Variants in ABCA13 observed in about 807,000 individuals in gnomAD.
ABCA13 encodes the protein ATP binding cassette subfamily A member 13.
ABCA13 carries 476 observed loss-of-function variants against 478.7 expected under a neutral mutation model. The observed-to-expected ratio is 0.99, with a 90% CI of 0.92 to 1.07. The LOEUF (loss-of-function observed/expected upper bound fraction) is 1.07. Ranked by LOEUF, ABCA13 falls within the 50% of genes least tolerant of loss-of-function variation. The pLI is 0.00. For synonymous variants in ABCA13, 2,252 were observed against 2,158.9 expected (o/e 1.04, Z -1.20); for missense variants, 6,060 against 5,910.6 (o/e 1.03, Z -0.83).
chr7:48,346,256 A>C (rs1808085179), intron 29 of ABCA13, among the ~76,000 whole-genome samples: 1 of 152,218 alleles, frequency 6.6e-6, no homozygotes, highest in Admixed American at 6.5e-5. Context: ...AAGAAAGCTT[A>C]AAGCCTTCTC....
intron 31 of ABCA13, among the ~76,000 whole-genome samples, chr7:48,362,833 G>C (rs1021399435): frequency 1.3e-5 from 2 of 151,564 alleles, no homozygotes; most frequent in African/African-American, 4.8e-5. Context: ...ACTTAATGTT[G>C]CCTTTTGTAC....
chr7:48,446,487 G>A (rs17729875), intron 42 of ABCA13, among the ~76,000 whole-genome samples: 45,217 of 151,406 alleles, frequency 0.3, 6,816 homozygotes, highest in East Asian at 0.38. Context: ...TTTACATACA[G>A]TTCTGTTCCT....
chr7:48,190,317 T>G (rs901382429), intron 1 of ABCA13, among the ~76,000 whole-genome samples: 2 of 152,202 alleles, frequency 1.3e-5, no homozygotes, highest in Non-Finnish European at 2.9e-5. Context: ...GAACTGCATC[T>G]ACTTGATTTC....
chr7:48,407,178 A>C (rs182874803), intron 39 of ABCA13, among the ~76,000 whole-genome samples: 1 of 152,076 alleles, frequency 6.6e-6, no homozygotes, highest in African/African-American at 2.4e-5. Flanking sequence ...TCGGATCAAA[A>C]ATATTCAGGG....
intron 31 of ABCA13, among the ~76,000 whole-genome samples, chr7:48,360,345 A>G (rs1810633265): frequency 6.6e-6 from 1 of 151,868 alleles, no homozygotes; most frequent in Non-Finnish European, 1.5e-5. Context: ...AGCTTCATCC[A>G]TGTCCCTACA....
intron 38 of ABCA13, among the ~76,000 whole-genome samples, chr7:48,393,929 C>T (rs1308122031): frequency 6.6e-6 from 1 of 152,216 alleles, no homozygotes; most frequent in Non-Finnish European, 1.5e-5. Context: ...GCCTTCCTGC[C>T]TGCTGTCGGC....
At chr7:48,410,733 G>A in intron 40 of ABCA13, 56 bp downstream of exon 40, 1 of 1,568,632 alleles carries the variant, frequency 6.4e-7, no homozygotes, top group Non-Finnish European at 8.7e-7. Context: ...TGTGGCATAA[G>A]AAACAAGTGG....
intron 35 of ABCA13, among the ~76,000 whole-genome samples, chr7:48,382,248 C>T (rs138433321): frequency 3.7e-4 from 57 of 152,274 alleles, no homozygotes; most frequent in East Asian, 3.1e-3. Flanking sequence ...ACCTCTGCAT[C>T]CTACCTGCAT....
chr7:48,412,388 G>T lies in ABCA13; in HGVS notation c.12264G>T (p.Met4088Ile), dbSNP rs746929143. ...TGGAGGCCCATGATCTGAAAGACAT[G>T]GCTTGTGTTACATCCCTGATAAAGA... ...SVLEAHDLKD[M>I]ACVTSLIKIY... Residue 4088 changes from methionine to isoleucine, a missense_variant, in exon 41 of 62, where the codon ATG (methionine) becomes ATT (isoleucine). This residue lies in a region of ABCA13 where 1,627 missense variants were observed against 1,571.0 expected (regional missense o/e 1.04). Coordinates refer to ENST00000435803, the MANE Select transcript of ABCA13 (RefSeq NM_152701.5). 6.2e-7 allele frequency: 1 copy of T among 1,613,080 alleles called. No individual in the cohort carries two copies. Among genetic ancestry groups the T allele is most frequent in the Non-Finnish European group, 8.5e-7 (1 of 1,179,690 alleles).
In ABCA13 at chr7:48,298,493, G is replaced by T. The variant is rs756310125; in HGVS notation, c.9321+6G>T. On this transcript the variant is annotated splice_donor_region_variant and intron_variant, in intron 23 of 61. Coordinates refer to ENST00000435803, the MANE Select transcript of ABCA13 (RefSeq NM_152701.5). ...CAAATATTTCCCACTCCAAGGTGTG[G>T]TGCTGTTTCTTGTCTGTCTGTTTTG... The T allele has an allele frequency of 6.2e-7, 1 of 1,609,988 alleles. No individual in the cohort carries two copies. Among genetic ancestry groups the T allele is most frequent in the Non-Finnish European group, 8.5e-7 (1 of 1,178,432 alleles).
intron 20 of ABCA13, 41 bp downstream of exon 20, chr7:48,288,119 A>T (rs768536723): frequency 4.5e-6 from 7 of 1,558,874 alleles, no homozygotes; most frequent in South Asian, 1.1e-5. Context: ...CATGTTCATG[A>T]CTATTGGCCC....
intron 57 of ABCA13, among the ~76,000 whole-genome samples, chr7:48,593,267 T>A: frequency 6.6e-6 from 1 of 151,562 alleles, no homozygotes; most frequent in Admixed American, 6.6e-5. Context: ...TGTGTATGTG[T>A]GTGTGTGTGC....
chr7:48,411,065 CTTT>C (rs1819086700), intron 40 of ABCA13, among the ~76,000 whole-genome samples: 1 of 118,606 alleles, frequency 8.4e-6, no homozygotes, highest in African/African-American at 3.3e-5. Context: ...TTCTTTCTTT[CTTT>C]CTTTTTCTTT....
At chr7:48,280,321 C>G (rs1270025503) in intron 18 of ABCA13, among the ~76,000 whole-genome samples, 1 of 152,214 alleles carries the variant, frequency 6.6e-6, no homozygotes, top group Non-Finnish European at 1.5e-5. Flanking sequence ...ATTATGCTTT[C>G]AGTTGTAGCT....
intron 35 of ABCA13, among the ~76,000 whole-genome samples, chr7:48,377,786 C>T (rs1456422053): frequency 6.6e-6 from 1 of 151,920 alleles, no homozygotes; most frequent in Non-Finnish European, 1.5e-5. Flanking sequence ...TTGAGAAGGC[C>T]AAGGGTTCAA....
Position 48,274,379 on chromosome 7 carries a change from T to C in ABCA13, c.4713T>C (p.Ser1571=), listed in dbSNP as rs377100313. 2.5e-6 allele frequency: 4 copies of C among 1,612,942 alleles called. No individual in the cohort carries two copies. Among genetic ancestry groups the C allele is most frequent in the Non-Finnish European group, 3.4e-6 (4 of 1,179,636 alleles). The part of the protein sequence containing the change: ...IYFNILENNS[S]SKTENLLNIF... ...TTAACATCCTGGAAAATAATTCCTC[T>C]TCTAAAACTGAAAACTTGTTAAACA... The change falls in exon 17 of 62, where the codon TCT becomes TCC. Residue 1571 remains serine, a synonymous_variant. Coordinates refer to ENST00000435803, the MANE Select transcript of ABCA13 (RefSeq NM_152701.5).
In ABCA13 at chr7:48,193,039, A is replaced by G; in HGVS notation, c.150A>G (p.Arg50=). ...LTVLRFQEPP[R]YRDICYLQPR... ...TTCTTCGTTTTCAAGAACCTCCCAG[A>G]TACAGAGACATTTGTAAGTTTCACT... The change falls in exon 2 of 62, where the codon AGA becomes AGG. Residue 50 remains arginine (R), a synonymous_variant. Transcript: ENST00000435803. 6.5e-7 allele frequency: 1 copy of G among 1,533,858 alleles called. No homozygotes were observed. Among genetic ancestry groups the G allele is most frequent in the Non-Finnish European group, 8.7e-7 (1 of 1,145,396 alleles).
At chr7:48,267,727 G>A (rs978188534) in intron 15 of ABCA13, among the ~76,000 whole-genome samples, 2 of 152,046 alleles carry the variant, frequency 1.3e-5, no homozygotes, top group African/African-American at 4.8e-5. Context: ...CATTTTATGT[G>A]ATTAATGTTC....
chr7:48,587,061 T>C (rs1387738842), intron 56 of ABCA13, 93 bp from the exon 57 acceptor site: 4 of 1,540,218 alleles, frequency 2.6e-6, no homozygotes, highest in Non-Finnish European at 3.5e-6. Context: ...GCAGGGTTAG[T>C]GGGAGGTAGA....
Sources: gnomAD v4.1 joint callset for allele counts (sites outside exome capture counted in the v4.1 genomes callset) on GRCh38, gnomAD v4.1.1 for gene constraint, gnomAD v4.1.1 regional missense constraint, MANE v1.5 for transcripts, NCBI Gene and HGNC (gene_info 2026-07-23, HGNC 2026-07-21) for gene names.